TAF4: variants seen among roughly 807,000 people sequenced by gnomAD.
TAF4 encodes transcription initiation factor TFIID subunit 4.
Under a neutral mutation model 90.3 loss-of-function variants are expected in TAF4, and 9 were observed. The observed-to-expected ratio is 0.10, with a 90% CI of 0.06 to 0.17. TAF4 has a LOEUF of 0.17. Ranked by LOEUF, TAF4 falls within the 10% of genes least tolerant of loss-of-function variation. The probability of loss-of-function intolerance (pLI) is 1.00; values close to 1 mark genes in which losing one functional copy is unlikely to be tolerated. For missense variants in TAF4, 1,351 were observed against 1,370.7 expected, an observed-to-expected ratio of 0.99 and a Z score of 0.23; for synonymous variants, 818 against 638.9, an observed-to-expected ratio of 1.28 and a Z score of -4.23.
At chr20:61,986,738 T>C (rs2055594823) in intron 14 of TAF4, among the ~76,000 whole-genome samples, 2 of 152,394 alleles carry the variant, frequency 1.3e-5, no homozygotes, top group African/African-American at 2.4e-5. Context: ...TAGCAGCAGC[T>C]TGTTACCTAC....
intron 1 of TAF4, among the ~76,000 whole-genome samples, chr20:62,016,649 C>T (rs1055253195): frequency 9.2e-5 from 14 of 152,198 alleles, no homozygotes; most frequent in South Asian, 2.1e-4. Flanking sequence ...GACTGGCTTC[C>T]GGGCTCCTCA....
At chr20:62,061,150 C>A (rs891487805) in intron 1 of TAF4, among the ~76,000 whole-genome samples, 1 of 152,254 alleles carries the variant, frequency 6.6e-6, no homozygotes, top group African/African-American at 2.4e-5. Context: ...GCTGCCACCA[C>A]TGGCCACCAG....
chr20:61,999,982 G>C, intron 11 of TAF4, 142 bp downstream of exon 11: 1 of 1,021,904 alleles, frequency 9.8e-7, no homozygotes, highest in South Asian at 1.4e-5. Flanking sequence ...AGTCCTATAA[G>C]AAATCCAAAA....
intron 1 of TAF4, among the ~76,000 whole-genome samples, chr20:62,023,483 T>C (rs888011723): frequency 2.0e-5 from 3 of 150,886 alleles, no homozygotes; most frequent in African/African-American, 7.3e-5. Flanking sequence ...GATCTCAAGA[T>C]GCATTAGAAA....
intron 1 of TAF4, among the ~76,000 whole-genome samples, chr20:62,017,784 A>C (rs2055820587): frequency 1.3e-5 from 2 of 152,052 alleles, no homozygotes; most frequent in Admixed American, 6.5e-5. Flanking sequence ...CAGTGAGCCG[A>C]GATTGCACCA....
chr20:62,014,026 GTGTGTGTGTGTGTGTGTGTA>G (rs1246693343), intron 2 of TAF4, among the ~76,000 whole-genome samples: 16 of 104,918 alleles, frequency 1.5e-4, no homozygotes, highest in Admixed American at 8.9e-4. Context: ...GTGGGTGTGT[GTGTGTGTGTGTGTGTGTGTA>G]TGTGTGTGTG....
chr20:62,014,518 T>A, intron 2 of TAF4, 29 bp downstream of exon 2: 2 of 1,566,632 alleles, frequency 1.3e-6, no homozygotes, highest in East Asian at 2.3e-5. Context: ...AGGGAAGGGG[T>A]TCGCACTCCA....
chr20:62,038,987 A>G lies in TAF4; in HGVS notation c.1361-24280T>C, dbSNP rs1345793816. On this transcript the variant is annotated intron_variant, in intron 1 of 14. Coordinates refer to ENST00000252996, the MANE Select transcript of TAF4 (RefSeq NM_003185.4). Reference sequence around the variant, plus strand: ...AGACTCACTTGAACCCGGGAGTCGGAGCTTGCAGTGAGCCAAGATCGTGCC... The same window carrying G: ...AGACTCACTTGAACCCGGGAGTCGGGGCTTGCAGTGAGCCAAGATCGTGCC... 2.0e-5 allele frequency among the ~76,000 whole-genome samples: 3 copies of G among 152,348 alleles called. No individual in the cohort carries two copies. The East Asian group carries it at 5.8e-4, about 29-fold the overall frequency.
Position 61,974,937 on chromosome 20 carries a change from GAA to G in TAF4, c.*1229_*1230del, listed in dbSNP as rs2055483625. On this transcript the variant is annotated 3_prime_UTR_variant, in exon 15 of 15. Coordinates refer to ENST00000252996, the MANE Select transcript of TAF4 (RefSeq NM_003185.4). This position sits in a 1 kb window ranked among gnomAD's most constrained non-coding sequence, Gnocchi z 4.1. ...TGTGCAAAATTTACATGAAAAAATG[GAA>G]AGACAGGGATTTCCTAAAAGACAAA... 1 of 152,198 alleles carries G rather than the reference GAA, an allele frequency of 6.6e-6. No individual in the cohort carries two copies. Among genetic ancestry groups the G allele is most frequent in the African/African-American group, 2.4e-5 (1 of 41,340 alleles). The allele number at this position is 152,198 out of a possible 1,614,324, so 9.4% of individuals were successfully genotyped here.
intron 1 of TAF4, among the ~76,000 whole-genome samples, chr20:62,059,632 C>T (rs2056078814): frequency 6.6e-6 from 1 of 152,210 alleles, no homozygotes; most frequent in African/African-American, 2.4e-5. Flanking sequence ...TGCTTTATTG[C>T]TATCAAAGGC....
At chr20:62,055,398 C>T (rs1251305678) in intron 1 of TAF4, among the ~76,000 whole-genome samples, 1 of 152,218 alleles carries the variant, frequency 6.6e-6, no homozygotes. Flanking sequence ...TCAATTCACA[C>T]TGTGCAGTCC....
rs180726776 is a variant in TAF4, at chr20:62,029,838, G to A, written c.1361-15131C>T. ...AGAGAATCGCTTGAACCCGGGAGTC[G>A]GAGCTTGCGGTGAGCCGAGATCGCG... On this transcript the variant is annotated intron_variant, in intron 1 of 14. Transcript: ENST00000252996. 1.8e-3 allele frequency among the ~76,000 whole-genome samples: 270 copies of A among 152,160 alleles called. 2 individuals are homozygous for A. Among genetic ancestry groups the A allele is most frequent in the African/African-American group, 6.1e-3 (254 of 41,522 alleles).
chr20:62,026,080 C>T (rs1220381356), intron 1 of TAF4, among the ~76,000 whole-genome samples: 3 of 152,188 alleles, frequency 2.0e-5, no homozygotes, highest in Admixed American at 1.3e-4. Flanking sequence ...CAAAAAATAA[C>T]GGAAAGCATA....
intron 14 of TAF4, among the ~76,000 whole-genome samples, chr20:61,990,091 G>A (rs1285461211): frequency 4.6e-5 from 7 of 152,186 alleles, no homozygotes; most frequent in Admixed American, 2.0e-4. Flanking sequence ...TAGCATCAGT[G>A]CTAAGCACCT....
chr20:62,016,488 G>A (rs925463785), intron 1 of TAF4, among the ~76,000 whole-genome samples: 1 of 152,202 alleles, frequency 6.6e-6, no homozygotes, highest in Non-Finnish European at 1.5e-5. Context: ...TCCAGAGCTG[G>A]ATGCTTCCTG....
chr20:62,052,809 C>T lies in TAF4; in HGVS notation c.1360+11642G>A, dbSNP rs1600863477. On this transcript the variant is annotated intron_variant, in intron 1 of 14. Transcript: ENST00000252996. The stretch of plus-strand genomic sequence containing the variant: ...CACCAGGTCCCTCACACCACCCCAC[C>T]CCCACAGTACCAGATCCCTCGCGCC... 3.5e-5 allele frequency among the ~76,000 whole-genome samples: 5 copies of T among 144,696 alleles called. No homozygotes were observed. The East Asian group carries it at 1.0e-3, about 30-fold the overall frequency. The allele number at this position is 144,696 out of a possible 152,430, so 94.9% of individuals were successfully genotyped here. A position where few individuals can be genotyped will look rare whatever the true frequency, so the allele number is the denominator to read the frequency against.
At chr20:62,028,922 C>T (rs779868939) in intron 1 of TAF4, among the ~76,000 whole-genome samples, 82 of 152,304 alleles carry the variant, frequency 5.4e-4, no homozygotes, top group Non-Finnish European at 9.9e-4. Flanking sequence ...ATGGGCCAGG[C>T]GCAGTGGCTC....
intron 1 of TAF4, among the ~76,000 whole-genome samples, chr20:62,020,018 G>C (rs896676900): frequency 6.6e-6 from 1 of 152,098 alleles, no homozygotes; most frequent in African/African-American, 2.4e-5. Flanking sequence ...GCTACCTCTT[G>C]GCCCTGCACC....
In TAF4 at chr20:62,065,031, G is replaced by A. The variant is rs2056117958; in HGVS notation, c.780C>T (p.Ala260=). The A allele has an allele frequency of 1.9e-6, 1 of 519,890 alleles. No homozygotes were observed. The highest frequency in any genetic ancestry group is 7.0e-5 in the Admixed American group (1 of 14,382). The allele number at this position is 519,890 out of a possible 1,614,324, so 32.2% of individuals were successfully genotyped here. A position where few individuals can be genotyped will look rare whatever the true frequency, so the allele number is the denominator to read the frequency against. Residue 260 remains alanine, a synonymous_variant, in exon 1 of 15, where the codon GCC becomes GCT. Transcript: ENST00000252996. ...CGGCGGCGGGGGCGGCGGGCGCGGG[G>A]GCGGCGGGGGGCGAGGGCGCGGCGG... The part of the protein sequence containing the change: ...PAPAAPSPPA[A]PAPAAPAAAP...
Sources: allele counts gnomAD v4.1 joint callset (sites outside exome capture counted in the v4.1 genomes callset), GRCh38; gene constraint gnomAD v4.1.1; non-coding constraint Gnocchi (gnomAD v3.1); transcripts MANE v1.5; gene names NCBI Gene and HGNC (gene_info 2026-07-23, HGNC 2026-07-21).